The following QTMAN variants were observed in gnomAD, a reference collection of about 807,000 sequenced individuals.
QTMAN encodes the protein queuosine-tRNA mannosyltransferase.
chr2:144,148,186 T>C, the QTMAN span, among the ~76,000 whole-genome samples: 1 of 151,860 alleles, frequency 6.6e-6, no homozygotes, highest in Non-Finnish European at 1.5e-5. Flanking sequence ...AGAATATTCC[T>C]ATTGTTAGGA....
At chr2:144,062,782 C>T in the QTMAN span, among the ~76,000 whole-genome samples, 1 of 152,158 alleles carries the variant, frequency 6.6e-6, no homozygotes, top group African/African-American at 2.4e-5. Flanking sequence ...TCAGTAGCCT[C>T]AATTTCCATA....
the QTMAN span, among the ~76,000 whole-genome samples, chr2:144,024,933 A>G: frequency 6.6e-6 from 1 of 152,334 alleles, no homozygotes; most frequent in East Asian, 1.9e-4. Flanking sequence ...CTAACAATCT[A>G]TTTTGAAAGA....
chr2:143,977,044 G>T, the QTMAN span, among the ~76,000 whole-genome samples: 1 of 152,168 alleles, frequency 6.6e-6, no homozygotes, highest in African/African-American at 2.4e-5. Context: ...CTGTTGTGAG[G>T]AATGAAGAAA....
At chr2:144,222,813 A>C in the QTMAN span, among the ~76,000 whole-genome samples, 4 of 152,134 alleles carry the variant, frequency 2.6e-5, no homozygotes, top group African/African-American at 9.7e-5. Context: ...GTCACAGAAA[A>C]AAGAAAAGAA....
the QTMAN span, among the ~76,000 whole-genome samples, chr2:144,322,717 T>C: frequency 6.6e-6 from 1 of 151,852 alleles, no homozygotes; most frequent in East Asian, 1.9e-4. Context: ...CAAGTAGGAG[T>C]TTCTTAAGGG....
At chr2:144,314,245 G>C in the QTMAN span, among the ~76,000 whole-genome samples, 1 of 152,034 alleles carries the variant, frequency 6.6e-6, no homozygotes, top group Non-Finnish European at 1.5e-5. Flanking sequence ...GCAACAACAT[G>C]GATTAATCTC....
the QTMAN span, among the ~76,000 whole-genome samples, chr2:144,330,791 A>G: frequency 1.3e-5 from 2 of 152,258 alleles, no homozygotes; most frequent in Admixed American, 6.5e-5. Context: ...AATGAAGACT[A>G]CTAGTTCTAT....
At chr2:144,033,910 C>T in the QTMAN span, among the ~76,000 whole-genome samples, 4 of 152,162 alleles carry the variant, frequency 2.6e-5, no homozygotes, top group Admixed American at 6.5e-5. Flanking sequence ...ATACGTATTT[C>T]GTATTATATC....
the QTMAN span, among the ~76,000 whole-genome samples, chr2:144,036,357 A>G: frequency 1.3e-5 from 2 of 152,190 alleles, no homozygotes; most frequent in Non-Finnish European, 2.9e-5. Flanking sequence ...ATTTGTTTTC[A>G]ATAGTTCTTC....
the QTMAN span, among the ~76,000 whole-genome samples, chr2:144,087,682 TCAA>T: frequency 3.9e-5 from 6 of 152,056 alleles, no homozygotes; most frequent in East Asian, 3.9e-4. Flanking sequence ...ATATATCACA[TCAA>T]CAACAACAAA....
the QTMAN span, among the ~76,000 whole-genome samples, chr2:144,139,710 G>A: frequency 0.16 from 25,053 of 152,014 alleles, 3,985 homozygotes; most frequent in African/African-American, 0.4. Flanking sequence ...AGTAGGTGCT[G>A]TGAGTCTAAT....
chr2:144,152,947 T>C, the QTMAN span, among the ~76,000 whole-genome samples: 1 of 152,178 alleles, frequency 6.6e-6, no homozygotes, highest in East Asian at 1.9e-4. Flanking sequence ...CTAAGTGCTA[T>C]GGCCACTCAG....
At chr2:144,054,157 T>C in the QTMAN span, among the ~76,000 whole-genome samples, 4 of 151,950 alleles carry the variant, frequency 2.6e-5, no homozygotes, top group Non-Finnish European at 5.9e-5. Flanking sequence ...CACTGCACTC[T>C]AGCCTGGGCG....
At chr2:144,123,639 G>T in the QTMAN span, among the ~76,000 whole-genome samples, 34 of 152,056 alleles carry the variant, frequency 2.2e-4, 1 homozygote, top group Admixed American at 2.2e-3. Context: ...TTTTGGTTTA[G>T]AGTTCCTCTT....
chr2:144,156,273 C>A, the QTMAN span, among the ~76,000 whole-genome samples: 1 of 152,046 alleles, frequency 6.6e-6, no homozygotes, highest in Non-Finnish European at 1.5e-5. Flanking sequence ...TGGAGAAATA[C>A]CTCCCCACAA....
At chr2:144,255,312 T>C in the QTMAN span, among the ~76,000 whole-genome samples, 2 of 152,156 alleles carry the variant, frequency 1.3e-5, no homozygotes, top group African/African-American at 4.8e-5. Context: ...GTTACCCCCA[T>C]GCTGTTCTTA....
the QTMAN span, among the ~76,000 whole-genome samples, chr2:144,170,701 G>A: frequency 6.6e-5 from 10 of 152,070 alleles, no homozygotes; most frequent in Middle Eastern, 6.8e-3. Flanking sequence ...GGTGTTTGAT[G>A]CCTCTCTGCT....
chr2:144,249,467 C>T, the QTMAN span, among the ~76,000 whole-genome samples: 1 of 152,188 alleles, frequency 6.6e-6, no homozygotes, highest in Admixed American at 6.5e-5. Context: ...CTCACTTTCC[C>T]ATCCCCAGAG....
the QTMAN span, among the ~76,000 whole-genome samples, chr2:144,289,982 T>C: frequency 6.6e-6 from 1 of 152,246 alleles, no homozygotes; most frequent in African/African-American, 2.4e-5. Context: ...GACTGTAACC[T>C]ACTCTTGCAC....
Sources: allele counts gnomAD v4.1 joint callset (sites outside exome capture counted in the v4.1 genomes callset), GRCh38; gene constraint gnomAD v4.1.1; transcripts MANE v1.5; gene names NCBI Gene and HGNC (gene_info 2026-07-23, HGNC 2026-07-21).